PPP4R3B: variants seen among roughly 807,000 people sequenced by gnomAD.
The protein encoded by PPP4R3B is serine/threonine-protein phosphatase 4 regulatory subunit 3B.
PPP4R3B carries 52 observed loss-of-function variants against 95.4 expected under a neutral mutation model. The observed-to-expected ratio is 0.54, with a 90% confidence interval of 0.44 to 0.69. The LOEUF (loss-of-function observed/expected upper bound fraction) is 0.69, where lower values mean the gene tolerates loss of function less well. Ranked by LOEUF, PPP4R3B falls within the 30% of genes least tolerant of loss-of-function variation. The pLI, the probability that PPP4R3B is intolerant of heterozygous loss-of-function variation, is 0.00. For synonymous variants in PPP4R3B, 407 were observed against 343.9 expected, an observed-to-expected ratio of 1.18 and a Z score of -2.03; for missense variants, 1,003 against 1,005.9, an observed-to-expected ratio of 1.00 and a Z score of 0.04.
rs1191894045 is a variant in PPP4R3B at position 55,569,539 on chromosome 2, T to G, written c.1766-1176A>C. 2.0e-5 allele frequency among the ~76,000 whole-genome samples: 3 copies of G among 152,318 alleles called. No individual in the cohort carries two copies. The South Asian group carries it at 6.2e-4, about 32-fold the overall frequency. On this transcript the variant is annotated intron_variant, in intron 12 of 16. Transcript: ENST00000616407. ...CAAATTAGTGAAAGTACTAAAAGTC[T>G]ATGATAAGCAGAAATAATGGTGTAA...
chr2:55,588,932 C>T lies in PPP4R3B; in HGVS notation c.946G>A (p.Val316Ile), dbSNP rs1405203123. ...LQEDEKFLSE[V>I]FAQLTDEATD... ...GCCTCATCTGTTAATTGTGCAAAAA[C>T]TTCAGACAAAAACTTCTCATCTTCC... The change falls in exon 5 of 17, where the codon GTT (valine) becomes ATT (isoleucine). Residue 316 changes from valine (V) to isoleucine (I), a missense_variant. By Grantham distance (29) the Val-to-Ile change is conservative. Coordinates refer to ENST00000616407, the MANE Select transcript of PPP4R3B (RefSeq NM_001122964.3). The T allele has an allele frequency of 6.2e-7, 1 of 1,608,904 alleles. No individual in the cohort carries two copies. The highest frequency in any genetic ancestry group is 8.5e-7 in the Non-Finnish European group (1 of 1,176,958).
At chr2:55,609,868 A>G (rs139527299) in intron 2 of PPP4R3B, among the ~76,000 whole-genome samples, 1 of 152,284 alleles carries the variant, frequency 6.6e-6, no homozygotes, top group East Asian at 1.9e-4. Flanking sequence ...AGCAAGATAT[A>G]TAAGAAACTG....
chr2:55,559,941 A>T (rs1574683486), intron 15 of PPP4R3B, among the ~76,000 whole-genome samples: 1 of 151,928 alleles, frequency 6.6e-6, no homozygotes, highest in Non-Finnish European at 1.5e-5. Context: ...GGCCAACATG[A>T]TGAAACCTAT....
rs558705665 is a variant in PPP4R3B, at chr2:55,579,929, G to A, written c.1366-148C>T. 7.4e-6 allele frequency: 3 copies of A among 404,958 alleles called. No individual in the cohort carries two copies. In the South Asian group the frequency reaches 2.4e-4, roughly 32 times the overall value. 25.1% of individuals were successfully genotyped at this position (404,958 alleles called of 1,614,324 possible). On this transcript the variant is annotated intron_variant, in intron 8 of 16. Coordinates refer to ENST00000616407, the MANE Select transcript of PPP4R3B (RefSeq NM_001122964.3). Reference sequence around the variant, plus strand: ...ATATAAGCAGATACTTTAAAATACTGTGAAAAAAATCAAACACTTGGTTAT... The same window carrying A: ...ATATAAGCAGATACTTTAAAATACTATGAAAAAAATCAAACACTTGGTTAT...
At chr2:55,558,651 G>A (rs1002842575) in intron 16 of PPP4R3B, 124 bp downstream of exon 16, 9 of 677,804 alleles carry the variant, frequency 1.3e-5, no homozygotes, top group Non-Finnish European at 2.2e-5. Context: ...TCAACATTTT[G>A]GTAACAGAAA....
intron 3 of PPP4R3B, among the ~76,000 whole-genome samples, chr2:55,603,218 G>A (rs900566535): frequency 6.6e-6 from 1 of 152,160 alleles, no homozygotes. Flanking sequence ...CTCCCAAAGC[G>A]CTAGGATTAC....
chr2:55,608,513 C>A (rs1345308232), intron 2 of PPP4R3B, among the ~76,000 whole-genome samples: 8 of 152,180 alleles, frequency 5.3e-5, no homozygotes, highest in Admixed American at 3.9e-4. Context: ...AAAATCCATC[C>A]ATCTCTGTCC....
intron 8 of PPP4R3B, among the ~76,000 whole-genome samples, chr2:55,580,716 T>C (rs1027337392): frequency 2.0e-5 from 3 of 152,194 alleles, no homozygotes; most frequent in Non-Finnish European, 2.9e-5. Flanking sequence ...CAATTGGGTA[T>C]ACAAACTTGT....
chr2:55,578,336 A>T lies in PPP4R3B; in HGVS notation c.1475T>A (p.Phe492Tyr). Residue 492 changes from phenylalanine to tyrosine, a missense_variant, in exon 10 of 17, where the codon TTT becomes TAT. By Grantham distance (22) the Phe-to-Tyr change is conservative. Around this residue, in one of 3 missense-constraint regions of PPP4R3B, gnomAD observed 695 missense variants for 686.2 expected, o/e 1.01. Coordinates refer to ENST00000616407, the MANE Select transcript of PPP4R3B (RefSeq NM_001122964.3). The stretch of plus-strand genomic sequence containing the variant: ...CCAACTATATCTGTAATGTTTTAAA[A>T]AAAAATCTGAAAAAAAATATGGCAA... ...TSEDKCEKDF[F>Y]LKHYRYSWSF... is the part of the protein sequence containing the mutation. The T allele has an allele frequency of 7.2e-7, 1 of 1,395,982 alleles. No homozygotes were observed. Among genetic ancestry groups the T allele is most frequent in the Non-Finnish European group, 9.3e-7 (1 of 1,070,356 alleles). 86.5% of individuals were successfully genotyped at this position (1,395,982 alleles called of 1,614,324 possible). A position where few individuals can be genotyped will look rare whatever the true frequency, so the allele number is the denominator to read the frequency against.
In PPP4R3B at chr2:55,568,315, T is replaced by C. The variant is rs757102780; in HGVS notation, c.1814A>G (p.Tyr605Cys). Reference sequence around the variant, plus strand: ...ATTTCCCTTGGTGATGTAACGATTATAAAATTCATCTTTAAGTCCAATTAT... The same window carrying C: ...ATTTCCCTTGGTGATGTAACGATTACAAAATTCATCTTTAAGTCCAATTAT... ...RRIIGLKDEF[Y>C]NRYITKGNLF... The change falls in exon 13 of 17, where the codon TAT becomes TGT. Residue 605 changes from tyrosine (Y) to cysteine (C), a missense_variant. Transcript: ENST00000616407. 1 of 1,608,326 alleles carries C rather than the reference T, an allele frequency of 6.2e-7. No homozygotes were observed. The highest frequency in any genetic ancestry group is 8.5e-7 in the Non-Finnish European group (1 of 1,177,764).
At chr2:55,574,703 C>A (rs963429047) in intron 11 of PPP4R3B, among the ~76,000 whole-genome samples, 1 of 151,680 alleles carries the variant, frequency 6.6e-6, no homozygotes, top group South Asian at 2.1e-4. Flanking sequence ...ACGACATTCT[C>A]CTGCCTTAGC....
chr2:55,610,435 A>G (rs1434330269), intron 2 of PPP4R3B, among the ~76,000 whole-genome samples: 4 of 152,100 alleles, frequency 2.6e-5, no homozygotes, highest in Non-Finnish European at 5.9e-5. Flanking sequence ...GGGAGAAACC[A>G]CTGCTACAAA....
At chr2:55,588,857 G>C (rs747366747) in intron 5 of PPP4R3B, 22 bp downstream of exon 5, 9 of 1,539,576 alleles carry the variant, frequency 5.8e-6, no homozygotes, top group South Asian at 1.2e-5. Flanking sequence ...TGCTCTTTAA[G>C]AGTTTGAATT....
Position 55,581,624 on chromosome 2 carries a change from C to T in PPP4R3B, c.1308G>A (p.Gln436=). 1 of 1,613,782 alleles carries T rather than the reference C, an allele frequency of 6.2e-7. No homozygotes were observed. Among genetic ancestry groups the T allele is most frequent in the Non-Finnish European group, 8.5e-7 (1 of 1,179,834 alleles). Residue 436 remains glutamine, a synonymous_variant, in exon 8 of 17, where the codon CAG becomes CAA. Transcript: ENST00000616407. ...TTAGAGTACGAAGAAGTCCCATTAA[C>T]TGAACAGCGCCTCCTAGCTCAGGAT... ...DTDPELGGAV[Q]LMGLLRTLID...
intron 2 of PPP4R3B, among the ~76,000 whole-genome samples, chr2:55,613,419 G>A (rs73940300): frequency 4.6e-5 from 7 of 150,708 alleles, no homozygotes; most frequent in Admixed American, 4.6e-4. Context: ...TTATTTAAAT[G>A]TGATTACAGA....
chr2:55,591,795 G>T, intron 4 of PPP4R3B: 1 of 338,706 alleles, frequency 3.0e-6, no homozygotes. Flanking sequence ...GCATTACTCT[G>T]GCTATTATTC....
chr2:55,587,039 T>C (rs946722986), intron 5 of PPP4R3B, among the ~76,000 whole-genome samples: 1 of 152,160 alleles, frequency 6.6e-6, no homozygotes, highest in Non-Finnish European at 1.5e-5. Flanking sequence ...ATGGAGGTGT[T>C]TGACAACACA....
chr2:55,610,174 T>C (rs1334779900), intron 2 of PPP4R3B, among the ~76,000 whole-genome samples: 2 of 152,208 alleles, frequency 1.3e-5, no homozygotes, highest in African/African-American at 2.4e-5. Flanking sequence ...GAAAATATAC[T>C]GGAGCTCTGT....
At chr2:55,575,975 A>G (rs1448830166) in intron 11 of PPP4R3B, among the ~76,000 whole-genome samples, 1 of 152,214 alleles carries the variant, frequency 6.6e-6, no homozygotes, top group Non-Finnish European at 1.5e-5. Flanking sequence ...AATGCAAGTA[A>G]AGAGTTTCAC....
Sources: allele counts gnomAD v4.1 joint callset (sites outside exome capture counted in the v4.1 genomes callset), GRCh38; gene constraint gnomAD v4.1.1; regional missense constraint gnomAD v4.1.1; transcripts MANE v1.5; gene names NCBI Gene and HGNC (gene_info 2026-07-23, HGNC 2026-07-21).